KIF16B: variants seen among roughly 807,000 people sequenced by gnomAD.
KIF16B encodes the protein kinesin family member 16B.
A neutral mutation model predicts 156.3 loss-of-function variants in KIF16B; 98 were observed. That is an observed-to-expected ratio of 0.63 (90% CI 0.53 to 0.74). KIF16B has a LOEUF of 0.74. Among genes scored for constraint, KIF16B ranks in the 30% least tolerant of loss-of-function variants. KIF16B has a pLI of 0.00. For missense variants in KIF16B, 1,421 were observed against 1,606.5 expected (o/e 0.88, Z 1.97); for synonymous variants, 564 against 583.7 (o/e 0.97, Z 0.49).
chr20:16,384,184 C>T (rs1397956992), intron 17 of KIF16B, among the ~76,000 whole-genome samples: 2 of 152,112 alleles, frequency 1.3e-5, no homozygotes, highest in Non-Finnish European at 2.9e-5. Flanking sequence ...TTTAACTGAG[C>T]ACCTACTTTT....
intron 12 of KIF16B, among the ~76,000 whole-genome samples, chr20:16,492,707 C>T (rs1231801306): frequency 1.3e-5 from 2 of 151,894 alleles, no homozygotes; most frequent in Non-Finnish European, 2.9e-5. Flanking sequence ...GGGACGCTGC[C>T]GCAGCAGCAG....
intron 17 of KIF16B, among the ~76,000 whole-genome samples, chr20:16,399,750 A>G (rs1229888231): frequency 6.6e-6 from 1 of 152,122 alleles, no homozygotes; most frequent in Non-Finnish European, 1.5e-5. Context: ...TCTTCCTCCC[A>G]TATTTCTGTT....
chr20:16,431,635 G>C (rs1014522085), intron 12 of KIF16B, among the ~76,000 whole-genome samples: 1 of 151,956 alleles, frequency 6.6e-6, no homozygotes, highest in Admixed American at 6.6e-5. Flanking sequence ...ATATTTTGTA[G>C]CACCCCTTGC....
At chr20:16,484,622 A>G (rs1260472435) in intron 12 of KIF16B, among the ~76,000 whole-genome samples, 1 of 152,252 alleles carries the variant, frequency 6.6e-6, no homozygotes, top group African/African-American at 2.4e-5. Context: ...ATGAGATAGT[A>G]TATGTAAATG....
intron 17 of KIF16B, among the ~76,000 whole-genome samples, chr20:16,385,720 G>A (rs1294074054): frequency 1.3e-5 from 2 of 152,162 alleles, no homozygotes; most frequent in Non-Finnish European, 2.9e-5. Context: ...AGTGGCAGCT[G>A]TAGCAGTGCT....
intron 4 of KIF16B, among the ~76,000 whole-genome samples, chr20:16,514,885 C>CAAAAAA (rs10564862): frequency 5.3e-3 from 321 of 60,734 alleles, no homozygotes; most frequent in Middle Eastern, 0.018. Context: ...GATTCCATCT[C>CAAAAAA]AAAAAAAAAA....
At chr20:16,399,318 T>C (rs1336599407) in intron 17 of KIF16B, among the ~76,000 whole-genome samples, 1 of 152,140 alleles carries the variant, frequency 6.6e-6, no homozygotes, top group Non-Finnish European at 1.5e-5. Flanking sequence ...TTTAAAGATC[T>C]TCAAACTCAT....
intron 16 of KIF16B, among the ~76,000 whole-genome samples, chr20:16,405,437 A>G (rs1269994629): frequency 6.6e-6 from 1 of 152,182 alleles, no homozygotes. Flanking sequence ...GCTAGAGCAG[A>G]TAAGAGGCTC....
chr20:16,506,615 T>C (rs1299768910), intron 7 of KIF16B, among the ~76,000 whole-genome samples: 1 of 152,224 alleles, frequency 6.6e-6, no homozygotes, highest in Non-Finnish European at 1.5e-5. Context: ...CATTATCGGA[T>C]GTTAAAACAT....
At chr20:16,462,728 T>C (rs529869966) in intron 12 of KIF16B, among the ~76,000 whole-genome samples, 2 of 152,294 alleles carry the variant, frequency 1.3e-5, no homozygotes, top group African/African-American at 4.8e-5. Context: ...CCCAAAATCA[T>C]TGCTCTTCTA....
intron 19 of KIF16B, among the ~76,000 whole-genome samples, chr20:16,378,187 C>A (rs2064998445): frequency 6.6e-6 from 1 of 151,810 alleles, no homozygotes; most frequent in Non-Finnish European, 1.5e-5. Flanking sequence ...AAGTGCTGGT[C>A]ATGGAGAAGA....
At chr20:16,514,273 C>T (rs1293918240) in intron 4 of KIF16B, among the ~76,000 whole-genome samples, 1 of 151,934 alleles carries the variant, frequency 6.6e-6, no homozygotes, top group African/African-American at 2.4e-5. Context: ...GTGAAACTCT[C>T]GAAATTAGCT....
chr20:16,411,103 T>A (rs928860924), intron 15 of KIF16B, among the ~76,000 whole-genome samples: 3 of 152,154 alleles, frequency 2.0e-5, no homozygotes, highest in Admixed American at 2.0e-4. Context: ...TAAAATGTAA[T>A]GCTGTGTCTG....
chr20:16,542,044 T>C (rs1156555506), intron 1 of KIF16B, among the ~76,000 whole-genome samples: 1 of 152,148 alleles, frequency 6.6e-6, no homozygotes, highest in Admixed American at 6.5e-5. Flanking sequence ...TGATGCTTTA[T>C]AGGATGCACC....
At chr20:16,395,100 G>A (rs1270965462) in intron 17 of KIF16B, among the ~76,000 whole-genome samples, 1 of 147,962 alleles carries the variant, frequency 6.8e-6, no homozygotes, top group Non-Finnish European at 1.5e-5. Context: ...GCATACCCCT[G>A]TCATCGGTGT....
intron 23 of KIF16B, among the ~76,000 whole-genome samples, chr20:16,350,175 G>A (rs1174170011): frequency 1.3e-5 from 2 of 152,218 alleles, no homozygotes; most frequent in East Asian, 3.9e-4. Context: ...CATCATGTGT[G>A]TGACCTAAGT....
intron 17 of KIF16B, among the ~76,000 whole-genome samples, chr20:16,397,940 G>A (rs2065553497): frequency 2.0e-5 from 3 of 152,232 alleles, no homozygotes; most frequent in Non-Finnish European, 4.4e-5. Flanking sequence ...ATATTTGTGA[G>A]GTGCCCACTC....
At chr20:16,530,427 T>C (rs555967845) in intron 1 of KIF16B, among the ~76,000 whole-genome samples, 2 of 152,310 alleles carry the variant, frequency 1.3e-5, no homozygotes, top group Admixed American at 1.3e-4. Context: ...GTTTGAGCCC[T>C]GGCAGTGTGA....
At chr20:16,488,678 T>C (rs1276587670) in intron 12 of KIF16B, among the ~76,000 whole-genome samples, 2 of 152,192 alleles carry the variant, frequency 1.3e-5, no homozygotes, top group Non-Finnish European at 2.9e-5. Context: ...AGCACAATAT[T>C]GTAGCCACGC....
Sources: allele counts gnomAD v4.1 joint callset (sites outside exome capture counted in the v4.1 genomes callset), GRCh38; gene constraint gnomAD v4.1.1; transcripts MANE v1.5; gene names NCBI Gene and HGNC (gene_info 2026-07-23, HGNC 2026-07-21).